Variants in BTBD9 observed in about 807,000 individuals in gnomAD.
BTBD9 encodes BTB/POZ domain-containing protein 9.
A neutral mutation model predicts 64.3 loss-of-function variants in BTBD9; 49 were observed. The ratio of observed to expected loss-of-function variants is 0.76; its 90% CI spans 0.61 to 0.97. The LOEUF is 0.97. BTBD9 is among the 50% of genes least tolerant of loss of function. The probability of loss-of-function intolerance (pLI) is 0.00; values close to 1 mark genes in which losing one functional copy is unlikely to be tolerated. For missense variants in BTBD9, 598 were observed against 762.1 expected (o/e 0.78, Z 2.53); for synonymous variants, 260 against 274.7 (o/e 0.95, Z 0.53).
intron 6 of BTBD9, among the ~76,000 whole-genome samples, chr6:38,501,022 T>C (rs1365908253): frequency 6.6e-6 from 1 of 152,216 alleles, no homozygotes; most frequent in Non-Finnish European, 1.5e-5. Flanking sequence ...TCCATAGATA[T>C]TGCTGTGATG....
rs189107025 is a variant in BTBD9 at position 38,632,583 on chromosome 6, T to C, written c.-28+7217A>G. ...AAATGTAAACTTGAAAAATGTAAACTTGAACTGTACTTGAAAAAGTACAGT... is the reference window on the plus strand; with the variant it reads ...AAATGTAAACTTGAAAAATGTAAACCTGAACTGTACTTGAAAAAGTACAGT... On this transcript the variant is annotated intron_variant, in intron 1 of 10. Coordinates refer to ENST00000481247, the MANE Select transcript of BTBD9 (RefSeq NM_001099272.2). Among the ~76,000 whole-genome samples the C allele has an allele frequency of 7.2e-5, 11 of 152,292 alleles. No individual in the cohort carries two copies. The East Asian group carries it at 2.1e-3, about 29-fold the overall frequency.
At chr6:38,614,061 G>A (rs1354283383) in intron 1 of BTBD9, among the ~76,000 whole-genome samples, 1 of 152,138 alleles carries the variant, frequency 6.6e-6, no homozygotes, top group Non-Finnish European at 1.5e-5. Context: ...TGAGAGCCAG[G>A]GATATGGAGC....
intron 6 of BTBD9, among the ~76,000 whole-genome samples, chr6:38,517,406 C>T (rs1009457810): frequency 1.6e-4 from 25 of 152,286 alleles, no homozygotes; most frequent in African/African-American, 5.8e-4. Flanking sequence ...TTGTCAGCTA[C>T]GTGCAGCCAA....
At chr6:38,462,245 C>G (rs1043430321) in intron 6 of BTBD9, among the ~76,000 whole-genome samples, 38 of 151,986 alleles carry the variant, frequency 2.5e-4, no homozygotes, top group Admixed American at 2.5e-3. Context: ...CAAGAGAAAA[C>G]AAAGGTTTTC....
intron 6 of BTBD9, among the ~76,000 whole-genome samples, chr6:38,549,374 T>C (rs984952965): frequency 5.9e-5 from 9 of 152,204 alleles, no homozygotes; most frequent in African/African-American, 2.2e-4. Context: ...TCCCATGGCA[T>C]TGCCCCAAGT....
At chr6:38,398,609 T>C (rs4714157) in intron 6 of BTBD9, among the ~76,000 whole-genome samples, 64,207 of 151,936 alleles carry the variant, frequency 0.42, 17,196 homozygotes, top group East Asian at 0.95. Context: ...ATTAATGATT[T>C]CATTGCCCAC....
At chr6:38,318,082 A>G (rs1763092017) in intron 7 of BTBD9, among the ~76,000 whole-genome samples, 1 of 151,868 alleles carries the variant, frequency 6.6e-6, no homozygotes, top group Non-Finnish European at 1.5e-5. Context: ...TTTAGTAGAG[A>G]CAAGGTTTCA....
intron 6 of BTBD9, among the ~76,000 whole-genome samples, chr6:38,364,344 C>T (rs759408518): frequency 3.3e-5 from 5 of 152,180 alleles, no homozygotes; most frequent in Admixed American, 1.3e-4. Flanking sequence ...ATTTCCATTG[C>T]TTCCTCCTTT....
At chr6:38,598,144 GAGTT>G (rs1163811824) in intron 1 of BTBD9, 23 bp from the exon 2 acceptor site, 7 of 1,558,432 alleles carry the variant, frequency 4.5e-6, no homozygotes, top group Non-Finnish European at 6.1e-6. Context: ...GAAGGAATGA[GAGTT>G]AGTTGGGGGA....
Position 38,527,261 on chromosome 6 carries a change from C to A in BTBD9, c.1154+50339G>T, listed in dbSNP as rs150641413. Reference sequence around the variant, plus strand: ...ACTGCACTCCAGAGCGAGACTCTGTCTCAAAAAAAAAAAAAAAAAAAAAAA... The same window carrying A: ...ACTGCACTCCAGAGCGAGACTCTGTATCAAAAAAAAAAAAAAAAAAAAAAA... On this transcript the variant is annotated intron_variant, in intron 6 of 10. Coordinates refer to ENST00000481247, the MANE Select transcript of BTBD9 (RefSeq NM_001099272.2). Among the ~76,000 whole-genome samples, 185 of 40,230 alleles carry A rather than the reference C, an allele frequency of 4.6e-3. 3 individuals carry two copies. In the East Asian group the frequency reaches 0.076, roughly 16 times the overall value. 26.4% of individuals were successfully genotyped at this position (40,230 alleles called of 152,430 possible). A position where few individuals can be genotyped will look rare whatever the true frequency, so the allele number is the denominator to read the frequency against.
intron 8 of BTBD9, among the ~76,000 whole-genome samples, chr6:38,265,691 G>A (rs1764947922): frequency 6.6e-6 from 1 of 151,810 alleles, no homozygotes. Flanking sequence ...CTAATTTTTT[G>A]TATTTTTTTG....
At chr6:38,423,787 T>A (rs963521264) in intron 6 of BTBD9, among the ~76,000 whole-genome samples, 3 of 151,734 alleles carry the variant, frequency 2.0e-5, no homozygotes, top group African/African-American at 7.3e-5. Flanking sequence ...TAGTAAAAAA[T>A]GGTAAGGCAG....
chr6:38,265,165 T>C (rs1764927737), intron 8 of BTBD9, among the ~76,000 whole-genome samples: 1 of 151,954 alleles, frequency 6.6e-6, no homozygotes, highest in African/African-American at 2.4e-5. Context: ...GTGTGTGGCA[T>C]ATGTAGTTTC....
intron 8 of BTBD9, among the ~76,000 whole-genome samples, chr6:38,274,894 A>C (rs1002473522): frequency 2.6e-5 from 4 of 152,180 alleles, no homozygotes; most frequent in Admixed American, 6.5e-5. Context: ...CTGGCCTCAT[A>C]AAATGAGTTA....
At chr6:38,564,490 G>T (rs1043161048) in intron 6 of BTBD9, among the ~76,000 whole-genome samples, 6 of 152,178 alleles carry the variant, frequency 3.9e-5, no homozygotes, top group African/African-American at 1.4e-4. Flanking sequence ...GAGTGGAGAT[G>T]AGAGAACATT....
Position 38,462,262 on chromosome 6 carries a change from G to T in BTBD9, c.1154+115338C>A, listed in dbSNP as rs570737040. On this transcript the variant is annotated intron_variant, in intron 6 of 10. Coordinates refer to ENST00000481247, the MANE Select transcript of BTBD9 (RefSeq NM_001099272.2). ...AGAGAAAACAAAGGTTTTCTCTTAC[G>T]TTTTCTTTTTCCTAAAGAAAGTTTA... Among the ~76,000 whole-genome samples, 92 of 152,108 alleles carry T rather than the reference G, an allele frequency of 6.0e-4. 1 individual carries two copies. Among genetic ancestry groups the T allele is most frequent in the Admixed American group, 4.7e-3 (72 of 15,280 alleles).
At position 38,378,430 on chromosome 6, in the gene BTBD9, G is replaced by C. The variant is rs1765781414; in HGVS notation, c.1155-33337C>G. Among the ~76,000 whole-genome samples, 3 of 151,562 alleles carry C rather than the reference G, an allele frequency of 2.0e-5. No individual in the cohort carries two copies. The South Asian group carries it at 6.3e-4, about 32-fold the overall frequency. ...GGGTAATTTTCGTATTTTTAGTAGA[G>C]ACGGGGTTTCACCATGTTGGCCAGG... On this transcript the variant is annotated intron_variant, in intron 6 of 10. Transcript: ENST00000481247.
intron 8 of BTBD9, among the ~76,000 whole-genome samples, chr6:38,263,614 T>G (rs1331219679): frequency 6.6e-6 from 1 of 152,188 alleles, no homozygotes; most frequent in Non-Finnish European, 1.5e-5. Context: ...ACAGGCATTC[T>G]GGGGTGAGTC....
chr6:38,253,114 A>AAACAACAACAACAAC (rs376665071), intron 9 of BTBD9, among the ~76,000 whole-genome samples: 13 of 151,162 alleles, frequency 8.6e-5, no homozygotes, highest in African/African-American at 2.4e-4. Context: ...ACTCTGTCTC[A>AAACAACAACAACAAC]AACAACAACA....
Sources: allele counts gnomAD v4.1 joint callset (sites outside exome capture counted in the v4.1 genomes callset), GRCh38; gene constraint gnomAD v4.1.1; transcripts MANE v1.5; gene names NCBI Gene and HGNC (gene_info 2026-07-23, HGNC 2026-07-21).